Variants in HERC6 observed in about 807,000 individuals in gnomAD.
The protein encoded by HERC6 is probable E3 ubiquitin-protein ligase HERC6.
Under a neutral mutation model 114.5 loss-of-function variants are expected in HERC6, and 101 were observed. That is an observed-to-expected ratio of 0.88 (90% CI 0.75 to 1.04). The LOEUF (loss-of-function observed/expected upper bound fraction) is 1.04, where lower values mean the gene tolerates loss of function less well. Ranked by LOEUF, HERC6 falls within the 50% of genes least tolerant of loss-of-function variation. The pLI is 0.00. For missense variants in HERC6, 1,133 were observed against 1,230.9 expected (o/e 0.92, Z 1.19); for synonymous variants, 408 against 436.2 (o/e 0.94, Z 0.81).
rs1163933714 is a variant in HERC6 at position 88,442,766 on chromosome 4, C to T, written c.*306C>T. Reference sequence around the variant, plus strand: ...TTCATTTGCATAAGGTATCAAACCACATCAGCCTCTGATTGGCCATGGGCC... The same window carrying T: ...TTCATTTGCATAAGGTATCAAACCATATCAGCCTCTGATTGGCCATGGGCC... On this transcript the variant is annotated 3_prime_UTR_variant, in exon 23 of 23. Transcript: ENST00000264346. 1 of 376,430 alleles carries T rather than the reference C, an allele frequency of 2.7e-6. No homozygotes were observed. The highest frequency in any genetic ancestry group is 2.0e-5 in the African/African-American group (1 of 49,352). 23.3% of individuals were successfully genotyped at this position (376,430 alleles called of 1,614,324 possible). A position where few individuals can be genotyped will look rare whatever the true frequency, so the allele number is the denominator to read the frequency against.
intron 17 of HERC6, among the ~76,000 whole-genome samples, chr4:88,432,549 C>T (rs189618176): frequency 7.9e-5 from 12 of 151,934 alleles, no homozygotes; most frequent in East Asian, 3.9e-4. Flanking sequence ...GCCAACCTGG[C>T]GAAACACTGT....
At chr4:88,409,387 C>T (rs932666555) in intron 11 of HERC6, among the ~76,000 whole-genome samples, 4 of 152,164 alleles carry the variant, frequency 2.6e-5, no homozygotes, top group African/African-American at 9.7e-5. Context: ...CTCTTACTGT[C>T]ATACTTTTGC....
intron 16 of HERC6, among the ~76,000 whole-genome samples, chr4:88,429,974 C>T (rs757558459): frequency 5.3e-5 from 8 of 152,108 alleles, no homozygotes; most frequent in African/African-American, 1.4e-4. Context: ...AGTCTTGACA[C>T]GGACAGACTT....
At chr4:88,386,431 CCT>C (rs952424140) in intron 3 of HERC6, among the ~76,000 whole-genome samples, 3 of 152,078 alleles carry the variant, frequency 2.0e-5, no homozygotes, top group African/African-American at 7.2e-5. Context: ...GTCTCGAACT[CCT>C]GACCTCAAGT....
At chr4:88,397,424 A>G (rs1332035726) in intron 7 of HERC6, among the ~76,000 whole-genome samples, 1 of 151,896 alleles carries the variant, frequency 6.6e-6, no homozygotes, top group Non-Finnish European at 1.5e-5. Context: ...ACATATATAT[A>G]TGGTGCATTT....
intron 3 of HERC6, among the ~76,000 whole-genome samples, chr4:88,386,175 C>T (rs1057036563): frequency 2.0e-5 from 3 of 150,994 alleles, no homozygotes; most frequent in African/African-American, 2.4e-5. Flanking sequence ...AGAGAAAAGG[C>T]ACCCAATTTA....
chr4:88,400,342 C>G (rs905892321), intron 8 of HERC6, among the ~76,000 whole-genome samples: 10 of 152,286 alleles, frequency 6.6e-5, no homozygotes, highest in Non-Finnish European at 1.5e-4. Flanking sequence ...GCCAGGGCTA[C>G]AGGCGCACAC....
intron 15 of HERC6, 32 bp from the exon 16 acceptor site, chr4:88,428,548 G>A: frequency 6.5e-7 from 1 of 1,536,052 alleles, no homozygotes; most frequent in Non-Finnish European, 8.7e-7. Context: ...GAGGTCAAAA[G>A]GAGAAGCCAA....
At chr4:88,425,282 G>C (rs1316551801) in intron 15 of HERC6, among the ~76,000 whole-genome samples, 1 of 152,192 alleles carries the variant, frequency 6.6e-6, no homozygotes. Flanking sequence ...CAGCAATGCA[G>C]AGTATTATCA....
intron 13 of HERC6, among the ~76,000 whole-genome samples, chr4:88,418,444 G>A (rs1029651673): frequency 1.3e-5 from 2 of 152,144 alleles, no homozygotes; most frequent in Non-Finnish European, 2.9e-5. Context: ...ACTCCTGGAC[G>A]GCAATAGGAC....
chr4:88,399,410 C>T (rs1735420184), intron 8 of HERC6: 1 of 152,178 alleles, frequency 6.6e-6, no homozygotes, highest in African/African-American at 2.4e-5. Flanking sequence ...CAAAGTTACC[C>T]TCATTCATAG....
intron 8 of HERC6, chr4:88,398,464 T>C: frequency 3.2e-6 from 1 of 309,828 alleles, no homozygotes; most frequent in Non-Finnish European, 5.8e-6. Flanking sequence ...TTTGTTGAAT[T>C]TGCATCATGT....
intron 1 of HERC6, among the ~76,000 whole-genome samples, chr4:88,379,857 AGC>A (rs1241348720): frequency 2.0e-5 from 1 of 50,434 alleles, no homozygotes; most frequent in Non-Finnish European, 3.3e-5. Context: ...ATATATATAT[AGC>A]ATATAAATAT....
intron 8 of HERC6, chr4:88,398,494 A>G (rs557337870): frequency 7.8e-5 from 18 of 231,722 alleles, no homozygotes; most frequent in Non-Finnish European, 1.5e-4. Flanking sequence ...TACACATGTA[A>G]CTTGTGTCAA....
chr4:88,418,979 G>A (rs924979022), intron 13 of HERC6, among the ~76,000 whole-genome samples: 5 of 152,068 alleles, frequency 3.3e-5, no homozygotes, highest in Admixed American at 1.3e-4. Flanking sequence ...CGCCTGCCTC[G>A]CCTCCCAAAA....
intron 4 of HERC6, among the ~76,000 whole-genome samples, chr4:88,392,234 A>C (rs879812683): frequency 1.6e-4 from 24 of 148,562 alleles, no homozygotes; most frequent in South Asian, 1.1e-3. Context: ...GCTGGAGTGC[A>C]GTGGTGTGAT....
At chr4:88,387,659 G>A (rs1470587242) in intron 3 of HERC6, among the ~76,000 whole-genome samples, 1 of 152,140 alleles carries the variant, frequency 6.6e-6, no homozygotes, top group Non-Finnish European at 1.5e-5. Context: ...TTGATCATGG[G>A]CAAGTTATTT....
chr4:88,439,248 C>T (rs529307557), intron 20 of HERC6, among the ~76,000 whole-genome samples: 1 of 152,152 alleles, frequency 6.6e-6, no homozygotes, highest in South Asian at 2.1e-4. Context: ...ATGGTGCATA[C>T]TTGCAGTCTC....
At chr4:88,399,330 C>T (rs574023192) in intron 8 of HERC6, 1 of 152,276 alleles carries the variant, frequency 6.6e-6, no homozygotes, top group East Asian at 1.9e-4. Context: ...AGCCACTCAA[C>T]AAAAATTGAG....
Sources: gnomAD v4.1 joint callset for allele counts (sites outside exome capture counted in the v4.1 genomes callset) on GRCh38, gnomAD v4.1.1 for gene constraint, MANE v1.5 for transcripts, NCBI Gene and HGNC (gene_info 2026-07-23, HGNC 2026-07-21) for gene names.